The following NBEA variants were observed in gnomAD, a reference collection of about 807,000 sequenced individuals.
The protein encoded by NBEA is lysosomal-trafficking regulator 2.
In NBEA, 44 loss-of-function variants were observed where a neutral mutation model predicts 343.4. The ratio of observed to expected loss-of-function variants is 0.13; its 90% CI spans 0.10 to 0.16. The LOEUF (loss-of-function observed/expected upper bound fraction) is 0.16. Ranked by LOEUF, NBEA falls within the 10% of genes least tolerant of loss-of-function variation. The pLI is 1.00. For missense variants in NBEA, 2,555 were observed against 3,631.3 expected, an observed-to-expected ratio of 0.70 and a Z score of 7.62; for synonymous variants, 1,175 against 1,238.7, an observed-to-expected ratio of 0.95 and a Z score of 1.08.
At chr13:35,165,831 T>G (rs1271006017) in intron 24 of NBEA, among the ~76,000 whole-genome samples, 1 of 151,704 alleles carries the variant, frequency 6.6e-6, no homozygotes, top group African/African-American at 2.4e-5. Flanking sequence ...ATTATAGGTG[T>G]GCACCACCAC....
intron 34 of NBEA, among the ~76,000 whole-genome samples, chr13:35,234,696 A>G (rs1026881184): frequency 9.2e-5 from 14 of 152,238 alleles, no homozygotes; most frequent in Middle Eastern, 3.4e-3. Flanking sequence ...TTATGAGGAC[A>G]CAGGTTTGAA....
chr13:35,123,853 G>A (rs1342313373), intron 17 of NBEA, among the ~76,000 whole-genome samples: 1 of 152,044 alleles, frequency 6.6e-6, no homozygotes, highest in Non-Finnish European at 1.5e-5. Flanking sequence ...ATTTTGTCAA[G>A]ATAAAATGAT....
intron 1 of NBEA, among the ~76,000 whole-genome samples, chr13:35,038,039 G>T (rs576415939): frequency 1.1e-4 from 17 of 152,304 alleles, no homozygotes; most frequent in Admixed American, 1.1e-3. Flanking sequence ...GCATTCTGTT[G>T]TATTGTGGCT....
chr13:35,206,508 C>T (rs1187735616), intron 31 of NBEA, among the ~76,000 whole-genome samples: 1 of 152,134 alleles, frequency 6.6e-6, no homozygotes, highest in African/African-American at 2.4e-5. Context: ...TGAAATAGTA[C>T]ATCTCACATT....
At chr13:35,353,886 A>G (rs545072803) in intron 38 of NBEA, among the ~76,000 whole-genome samples, 100 of 152,330 alleles carry the variant, frequency 6.6e-4, no homozygotes, top group African/African-American at 2.4e-3. Flanking sequence ...TAAGGAATTT[A>G]TTCATTCAAT....
intron 10 of NBEA, among the ~76,000 whole-genome samples, chr13:35,082,660 G>C (rs907174081): frequency 6.6e-6 from 1 of 152,160 alleles, no homozygotes; most frequent in East Asian, 1.9e-4. Context: ...GCATTTCTCT[G>C]ATGGCCAGTG....
chr13:35,116,832 G>A (rs2589650), intron 13 of NBEA, among the ~76,000 whole-genome samples: 150,361 of 152,104 alleles, frequency 0.99, 74,339 homozygotes, highest in East Asian at 1. Context: ...AAATTTGTAC[G>A]TTATGATAGA....
intron 1 of NBEA, among the ~76,000 whole-genome samples, chr13:35,010,305 T>C (rs529716582): frequency 6.6e-6 from 1 of 152,072 alleles, no homozygotes; most frequent in Non-Finnish European, 1.5e-5. Flanking sequence ...AGAAGGTAGA[T>C]GGGGCTCATG....
intron 46 of NBEA, among the ~76,000 whole-genome samples, chr13:35,584,816 A>T (rs2081220941): frequency 6.6e-6 from 1 of 151,652 alleles, no homozygotes; most frequent in Admixed American, 6.6e-5. Context: ...TTATTTTTAA[A>T]CATGGGATCT....
At chr13:35,087,170 T>C (rs2064817473) in intron 10 of NBEA, among the ~76,000 whole-genome samples, 2 of 151,826 alleles carry the variant, frequency 1.3e-5, no homozygotes, top group South Asian at 2.1e-4. Flanking sequence ...CTCATTTGTC[T>C]ATTTTTATTA....
chr13:35,519,007 G>T (rs574589439), intron 41 of NBEA, among the ~76,000 whole-genome samples: 1 of 152,128 alleles, frequency 6.6e-6, no homozygotes, highest in Middle Eastern at 3.2e-3. Context: ...TTGATGCTTC[G>T]TTGTGAAAGG....
chr13:35,116,890 G>A (rs1182555754), intron 13 of NBEA, among the ~76,000 whole-genome samples: 7 of 151,558 alleles, frequency 4.6e-5, no homozygotes, highest in South Asian at 2.1e-4. Flanking sequence ...ACTTATTGAC[G>A]CAGCATAAAT....
Position 35,195,737 on chromosome 13 carries a change from A to T in NBEA, c.4928-127A>T, listed in dbSNP as rs1343372628. ...ACTGAGTTGTGTTACTACTATGCAC[A>T]TCCGTTTAGCAATTTTTTGTTTCTA... On this transcript the variant is annotated intron_variant, in intron 30 of 58. Coordinates refer to ENST00000379939, the MANE Select transcript of NBEA (RefSeq NM_001385012.1). 6 of 785,158 alleles carry T rather than the reference A, an allele frequency of 7.6e-6. No homozygotes were observed. The East Asian group carries it at 1.6e-4, about 21-fold the overall frequency. The allele number at this position is 785,158 out of a possible 1,614,324, so 48.6% of individuals were successfully genotyped here.
intron 49 of NBEA, among the ~76,000 whole-genome samples, chr13:35,632,279 T>C (rs987154055): frequency 6.6e-6 from 1 of 152,156 alleles, no homozygotes; most frequent in Non-Finnish European, 1.5e-5. Flanking sequence ...TGGTTGGTAA[T>C]CATTTAGTCC....
intron 10 of NBEA, among the ~76,000 whole-genome samples, chr13:35,084,221 C>T (rs939177004): frequency 7.9e-5 from 12 of 152,070 alleles, no homozygotes; most frequent in Non-Finnish European, 1.3e-4. Context: ...CTGCACCAAG[C>T]GGACCTAATA....
intron 1 of NBEA, among the ~76,000 whole-genome samples, chr13:34,970,169 T>C (rs2059954467): frequency 6.6e-6 from 1 of 152,220 alleles, no homozygotes; most frequent in African/African-American, 2.4e-5. Flanking sequence ...TTGTTTCATA[T>C]GATTGTTGGG....
intron 18 of NBEA, among the ~76,000 whole-genome samples, chr13:35,151,273 G>A (rs571887978): frequency 1.3e-5 from 2 of 151,956 alleles, no homozygotes; most frequent in African/African-American, 4.8e-5. Flanking sequence ...GCCGGGCTCG[G>A]TGGCTCACGC....
chr13:35,034,582 C>A (rs556138802), intron 1 of NBEA, among the ~76,000 whole-genome samples: 1 of 151,730 alleles, frequency 6.6e-6, no homozygotes, highest in South Asian at 2.1e-4. Flanking sequence ...TGGAAGTATG[C>A]CCTTCTCCTC....
At chr13:35,457,518 G>T in intron 40 of NBEA, among the ~76,000 whole-genome samples, 1 of 152,152 alleles carries the variant, frequency 6.6e-6, no homozygotes, top group East Asian at 1.9e-4. Flanking sequence ...TCTGGACATT[G>T]CATACAAATG....
Sources: allele counts gnomAD v4.1 joint callset (sites outside exome capture counted in the v4.1 genomes callset), GRCh38; gene constraint gnomAD v4.1.1; transcripts MANE v1.5; gene names NCBI Gene and HGNC (gene_info 2026-07-23, HGNC 2026-07-21).